Variants in COL14A1 observed in about 807,000 individuals in gnomAD.
COL14A1 encodes collagen alpha-1(XIV) chain.
COL14A1 carries 136 observed loss-of-function variants against 230.3 expected under a neutral mutation model. That is an observed-to-expected ratio of 0.59 (90% confidence interval 0.51 to 0.68). The LOEUF (loss-of-function observed/expected upper bound fraction) is 0.68, where lower values mean the gene tolerates loss of function less well. Ranked by LOEUF, COL14A1 falls within the 30% of genes least tolerant of loss-of-function variation. The pLI is 0.00. For synonymous variants in COL14A1, 792 were observed against 784.1 expected (o/e 1.01, Z -0.17); for missense variants, 1,976 against 2,215.8 (o/e 0.89, Z 2.17).
chr8:120,224,395 G>A (rs1818031030), intron 14 of COL14A1, among the ~76,000 whole-genome samples: 1 of 152,116 alleles, frequency 6.6e-6, no homozygotes, highest in African/African-American at 2.4e-5. Context: ...ATGAATCCTA[G>A]GGCTCAGAGT....
At chr8:120,211,029 A>G (rs1233186276) in intron 12 of COL14A1, among the ~76,000 whole-genome samples, 2 of 152,218 alleles carry the variant, frequency 1.3e-5, no homozygotes, top group Non-Finnish European at 2.9e-5. Flanking sequence ...TTAAAGTCTG[A>G]TAATACTGTG....
chr8:120,197,161 A>G (rs551030454), intron 6 of COL14A1, among the ~76,000 whole-genome samples: 3 of 152,262 alleles, frequency 2.0e-5, no homozygotes, highest in African/African-American at 7.2e-5. Flanking sequence ...ACATATTTTA[A>G]TCTTCTGAAA....
At chr8:120,161,015 A>G (rs1442213941) in intron 3 of COL14A1, among the ~76,000 whole-genome samples, 1 of 152,180 alleles carries the variant, frequency 6.6e-6, no homozygotes, top group African/African-American at 2.4e-5. Context: ...AGTGAAACAC[A>G]CATTGTGAAA....
chr8:120,161,651 G>A (rs1354776354), intron 3 of COL14A1, among the ~76,000 whole-genome samples: 1 of 152,054 alleles, frequency 6.6e-6, no homozygotes, highest in Non-Finnish European at 1.5e-5. Context: ...CCTTCGGCCT[G>A]CCCATATCTC....
rs370672703 is a variant in COL14A1, at chr8:120,310,006, C to T, written c.4402-3C>T. On this transcript the variant is annotated splice_region_variant and splice_polypyrimidine_tract_variant and intron_variant, in intron 36 of 47. Coordinates refer to ENST00000297848, the MANE Select transcript of COL14A1 (RefSeq NM_021110.4). Reference sequence around the variant, plus strand: ...GAGCTAATACTTAACATCTGTTTGCCAGGGTGGTCCAGGACTCCGAGGACC... The same window carrying T: ...GAGCTAATACTTAACATCTGTTTGCTAGGGTGGTCCAGGACTCCGAGGACC... The T allele has an allele frequency of 3.1e-6, 5 of 1,613,244 alleles. No homozygotes were observed. In the African/African-American group the frequency reaches 6.7e-5, roughly 22 times the overall value.
chr8:120,134,248 G>T (rs958404646), intron 1 of COL14A1, among the ~76,000 whole-genome samples: 2 of 151,800 alleles, frequency 1.3e-5, no homozygotes, highest in Non-Finnish European at 2.9e-5. Flanking sequence ...TAATCAGAAA[G>T]AAAACTTAAA....
At chr8:120,273,472 A>G (rs1173861122) in intron 26 of COL14A1, among the ~76,000 whole-genome samples, 5 of 151,872 alleles carry the variant, frequency 3.3e-5, no homozygotes, top group Non-Finnish European at 7.4e-5. Flanking sequence ...ATTGAAACAA[A>G]AAGCAATAAA....
At chr8:120,270,566 C>T (rs559163349) in intron 26 of COL14A1, among the ~76,000 whole-genome samples, 4 of 151,828 alleles carry the variant, frequency 2.6e-5, no homozygotes, top group African/African-American at 4.8e-5. Flanking sequence ...CTAACTCATT[C>T]ATTTAAAAAA....
At chr8:120,218,152 TAA>T (rs1817819290) in intron 14 of COL14A1, among the ~76,000 whole-genome samples, 1 of 135,320 alleles carries the variant, frequency 7.4e-6, no homozygotes, top group African/African-American at 2.9e-5. Flanking sequence ...TAAATATAAA[TAA>T]ATATATAAAT....
chr8:120,203,001 T>TTTGAAAA (rs1817303405), intron 8 of COL14A1, among the ~76,000 whole-genome samples: 1 of 80,250 alleles, frequency 1.2e-5, no homozygotes, highest in Non-Finnish European at 2.5e-5. Context: ...TATATATATA[T>TTTGAAAA]ATATATATAT....
At chr8:120,293,393 A>G (rs761114076) in intron 34 of COL14A1, among the ~76,000 whole-genome samples, 1 of 152,022 alleles carries the variant, frequency 6.6e-6, no homozygotes, top group Non-Finnish European at 1.5e-5. Context: ...CATGTGAATT[A>G]TCTATTTTAA....
At chr8:120,335,614 G>A (rs895242126) in intron 42 of COL14A1, among the ~76,000 whole-genome samples, 1 of 152,194 alleles carries the variant, frequency 6.6e-6, no homozygotes, top group African/African-American at 2.4e-5. Flanking sequence ...AGGAAGGCAT[G>A]AGGGAAAGGG....
At chr8:120,316,161 A>T (rs758266670) in intron 40 of COL14A1, among the ~76,000 whole-genome samples, 164 bp downstream of exon 40, 2 of 152,098 alleles carry the variant, frequency 1.3e-5, no homozygotes. Context: ...CCCTTCACTG[A>T]CATCTTCTAT....
At chr8:120,205,716 A>C (rs1817408470) in intron 9 of COL14A1, among the ~76,000 whole-genome samples, 2 of 152,264 alleles carry the variant, frequency 1.3e-5, no homozygotes, top group South Asian at 4.1e-4. Context: ...TCTGAGCTTC[A>C]AAGTGAAGCT....
chr8:120,297,799 G>A lies in COL14A1; in HGVS notation c.4314+211G>A, dbSNP rs572343454. 3.3e-5 allele frequency among the ~76,000 whole-genome samples: 5 copies of A among 152,096 alleles called. No homozygotes were observed. The South Asian group carries it at 1.0e-3, about 32-fold the overall frequency. On this transcript the variant is annotated intron_variant, in intron 35 of 47. Transcript: ENST00000297848. The stretch of plus-strand genomic sequence containing the variant: ...GCGTGAACTGCCCAACTCAGAGGGT[G>A]CTATTTACACATAGTCCAGATGTTC...
chr8:120,328,659 A>T (rs992155863), intron 40 of COL14A1, among the ~76,000 whole-genome samples: 2 of 152,230 alleles, frequency 1.3e-5, no homozygotes, highest in Non-Finnish European at 1.5e-5. Context: ...AAGTGAATTC[A>T]AACCTCTTCA....
intron 39 of COL14A1, 51 bp downstream of exon 39, chr8:120,315,637 AG>A (rs1245739287): frequency 2.0e-6 from 3 of 1,464,736 alleles, no homozygotes; most frequent in South Asian, 1.2e-5. Flanking sequence ...AACTTTGCCA[AG>A]GGGGAAAAAA....
chr8:120,141,869 T>A (rs1435369460), intron 1 of COL14A1, among the ~76,000 whole-genome samples: 1 of 152,154 alleles, frequency 6.6e-6, no homozygotes, highest in Non-Finnish European at 1.5e-5. Context: ...AACAGTATTA[T>A]GGGTATCTTT....
rs1446674405 is a variant in COL14A1 at position 120,342,353 on chromosome 8, C to T, written c.4822-27C>T. The T allele has an allele frequency of 2.5e-6, 4 of 1,611,172 alleles. No individual in the cohort carries two copies. The African/African-American group carries it at 5.3e-5, about 22-fold the overall frequency. On this transcript the variant is annotated intron_variant, in intron 43 of 47. Coordinates refer to ENST00000297848, the MANE Select transcript of COL14A1 (RefSeq NM_021110.4). ...AGTGTGGCTGGGCTTGTAGCTGAGT[C>T]AGGAGTATGCTTTTTTTCTCATCCA... is the stretch of plus-strand genomic sequence containing the variant.
Sources: gnomAD v4.1 joint callset for allele counts (sites outside exome capture counted in the v4.1 genomes callset) on GRCh38, gnomAD v4.1.1 for gene constraint, MANE v1.5 for transcripts, NCBI Gene and HGNC (gene_info 2026-07-23, HGNC 2026-07-21) for gene names.